ROR2: variants seen among roughly 807,000 people sequenced by gnomAD.
The protein encoded by ROR2 is tyrosine-protein kinase transmembrane receptor ROR2.
A neutral mutation model predicts 74.9 loss-of-function variants in ROR2; 33 were observed. That is an observed-to-expected ratio of 0.44 (90% CI 0.33 to 0.59). The LOEUF is 0.59. Among genes scored for constraint, ROR2 ranks in the 20% least tolerant of loss-of-function variants. The pLI is 0.02. For missense variants in ROR2, 1,216 were observed against 1,313.8 expected (o/e 0.93, Z 1.15); for synonymous variants, 586 against 558.7 (o/e 1.05, Z -0.69).
chr9:91,805,979 G>T (rs1168044680), intron 1 of ROR2, among the ~76,000 whole-genome samples: 3 of 152,222 alleles, frequency 2.0e-5, no homozygotes, highest in Admixed American at 6.5e-5. Context: ...AGGGGCACTT[G>T]AGGATTCAGT....
At chr9:91,796,557 A>T (rs1169092634) in intron 1 of ROR2, among the ~76,000 whole-genome samples, 1 of 152,014 alleles carries the variant, frequency 6.6e-6, no homozygotes, top group Non-Finnish European at 1.5e-5. Flanking sequence ...TAGTTGTGAT[A>T]ATGTCTATTT....
intron 2 of ROR2, among the ~76,000 whole-genome samples, chr9:91,764,522 T>C (rs1445358599): frequency 6.7e-6 from 1 of 150,214 alleles, no homozygotes; most frequent in East Asian, 2.0e-4. Context: ...AGTCCCCCAA[T>C]TACAAAAGAC....
In ROR2 at chr9:91,908,917, G is replaced by A. The variant is rs186792620; in HGVS notation, c.97+40950C>T. On this transcript the variant is annotated intron_variant, in intron 1 of 8. Coordinates refer to ENST00000375708, the MANE Select transcript of ROR2 (RefSeq NM_004560.4). ...AGTTAAAAACTCCACTGACCATGAG[G>A]GAGTTTCCCTTCCATCACCCCAAAT... Among the ~76,000 whole-genome samples, 5 of 131,298 alleles carry A rather than the reference G, an allele frequency of 3.8e-5. No individual in the cohort carries two copies. In the East Asian group the frequency reaches 9.9e-4, roughly 26 times the overall value. 86.1% of individuals were successfully genotyped at this position (131,298 alleles called of 152,430 possible). A position where few individuals can be genotyped will look rare whatever the true frequency, so the allele number is the denominator to read the frequency against.
intron 1 of ROR2, among the ~76,000 whole-genome samples, chr9:91,876,622 C>G (rs549388858): frequency 6.6e-6 from 1 of 151,948 alleles, no homozygotes; most frequent in African/African-American, 2.4e-5. Context: ...CCAGAGGAAA[C>G]AAAGATGACT....
At chr9:91,917,126 A>G (rs565019341) in intron 1 of ROR2, among the ~76,000 whole-genome samples, 68 of 152,304 alleles carry the variant, frequency 4.5e-4, no homozygotes, top group African/African-American at 1.6e-3. Context: ...CCACTCCCTT[A>G]AACAATTTAA....
chr9:91,865,606 CT>C (rs1829608982), intron 1 of ROR2, among the ~76,000 whole-genome samples: 1 of 152,190 alleles, frequency 6.6e-6, no homozygotes, highest in African/African-American at 2.4e-5. Context: ...TTTGTCATTC[CT>C]TTAAAAAGGG....
At chr9:91,820,316 C>G (rs562688017) in intron 1 of ROR2, among the ~76,000 whole-genome samples, 3 of 152,256 alleles carry the variant, frequency 2.0e-5, no homozygotes, top group Admixed American at 6.5e-5. Context: ...CGGCAGGATG[C>G]CCTCTACAAG....
chr9:91,785,706 A>G (rs184210435), intron 1 of ROR2, among the ~76,000 whole-genome samples: 1 of 152,226 alleles, frequency 6.6e-6, no homozygotes, highest in East Asian at 1.9e-4. Flanking sequence ...CACAGTTCAG[A>G]GCCCCTGCGA....
rs1378081469 is a variant in ROR2, at chr9:91,757,317, C to G, written c.418G>C (p.Gly140Arg). 3.7e-6 allele frequency: 6 copies of G among 1,613,886 alleles called. No homozygotes were observed. The highest frequency in any genetic ancestry group is 1.1e-5 in the South Asian group (1 of 91,062). The change falls in exon 3 of 9, where the codon GGG becomes CGG. Residue 140 changes from glycine to arginine, a missense_variant. Transcript: ENST00000375708. ...CCAGTGGCGGTAATGGTCTTCATCC[C>G]GTTGGTGGCCACGCACTGGTAGTAG... ...TGYYQCVATN[G>R]MKTITATGVL...
intron 2 of ROR2, among the ~76,000 whole-genome samples, chr9:91,774,119 C>T (rs1826335247): frequency 6.6e-6 from 1 of 152,198 alleles, no homozygotes; most frequent in East Asian, 1.9e-4. Flanking sequence ...ATCTAACCAA[C>T]AAAAACTATT....
chr9:91,780,247 G>A (rs552797807), intron 1 of ROR2, among the ~76,000 whole-genome samples: 1 of 152,220 alleles, frequency 6.6e-6, no homozygotes, highest in South Asian at 2.1e-4. Flanking sequence ...CATGGTGGCA[G>A]GAGCCTGTAG....
At chr9:91,944,335 A>T (rs1475194676) in intron 1 of ROR2, among the ~76,000 whole-genome samples, 1 of 152,214 alleles carries the variant, frequency 6.6e-6, no homozygotes, top group Non-Finnish European at 1.5e-5. Flanking sequence ...AAACATCATT[A>T]TTTGGCCCAT....
Position 91,927,562 on chromosome 9 carries a change from C to CTTTTTTTTTTTTTTTT in ROR2, c.97+22289_97+22304dup, listed in dbSNP as rs775823582. 1.5e-3 allele frequency among the ~76,000 whole-genome samples: 139 copies of CTTTTTTTTTTTTTTTT among 94,944 alleles called. 7 individuals are homozygous for CTTTTTTTTTTTTTTTT. The highest frequency in any genetic ancestry group is 7.1e-3 in the Middle Eastern group (1 of 140). The allele number at this position is 94,944 out of a possible 152,430, so 62.3% of individuals were successfully genotyped here. A position where few individuals can be genotyped will look rare whatever the true frequency, so the allele number is the denominator to read the frequency against. On this transcript the variant is annotated intron_variant, in intron 1 of 8. Transcript: ENST00000375708. The stretch of plus-strand genomic sequence containing the variant: ...TGGCTGGCTCTGTGTTTTCTAGATT[C>CTTTTTTTTTTTTTTTT]TTTTTTTTTTTTTTTTTTTTTGAGA...
intron 1 of ROR2, among the ~76,000 whole-genome samples, chr9:91,850,836 T>G (rs1385963566): frequency 6.6e-6 from 1 of 152,210 alleles, no homozygotes; most frequent in Non-Finnish European, 1.5e-5. Context: ...GATTTACCAA[T>G]TATTTCTATT....
chr9:91,749,337 A>G (rs983975024), intron 4 of ROR2, among the ~76,000 whole-genome samples: 1 of 152,214 alleles, frequency 6.6e-6, no homozygotes, highest in Non-Finnish European at 1.5e-5. Context: ...TCAAGGTGCC[A>G]GCCACTTTGG....
chr9:91,945,966 G>A lies in ROR2; in HGVS notation c.97+3901C>T, dbSNP rs531203837. On this transcript the variant is annotated intron_variant, in intron 1 of 8. Coordinates refer to ENST00000375708, the MANE Select transcript of ROR2 (RefSeq NM_004560.4). ...GCAGCTATAATTAATGGGCTGGAGC[G>A]CCTCTTGTTGCTTGGATTTTTACTT... is the stretch of plus-strand genomic sequence containing the variant. 4.5e-4 allele frequency among the ~76,000 whole-genome samples: 69 copies of A among 152,268 alleles called. 3 individuals carry two copies. The South Asian group carries it at 0.014, about 30-fold the overall frequency.
intron 1 of ROR2, among the ~76,000 whole-genome samples, chr9:91,785,660 G>T (rs1172353563): frequency 1.3e-5 from 2 of 152,244 alleles, no homozygotes; most frequent in African/African-American, 4.8e-5. Flanking sequence ...CCAGATGTGG[G>T]GTGGTGCCTG....
chr9:91,861,028 C>G (rs1447245787), intron 1 of ROR2, among the ~76,000 whole-genome samples: 1 of 152,152 alleles, frequency 6.6e-6, no homozygotes, highest in African/African-American at 2.4e-5. Context: ...TAATATATTA[C>G]TTAGGAAGAA....
chr9:91,826,567 G>A (rs1373215482), intron 1 of ROR2, among the ~76,000 whole-genome samples: 2 of 152,028 alleles, frequency 1.3e-5, no homozygotes, highest in African/African-American at 4.8e-5. Flanking sequence ...GGATCACAAG[G>A]TCAGGAGATC....
Sources: gnomAD v4.1 joint callset for allele counts (sites outside exome capture counted in the v4.1 genomes callset) on GRCh38, gnomAD v4.1.1 for gene constraint, MANE v1.5 for transcripts, NCBI Gene and HGNC (gene_info 2026-07-23, HGNC 2026-07-21) for gene names.